Variants in KCNC2 observed in about 807,000 individuals in gnomAD.
KCNC2 encodes voltage-gated potassium channel KCNC2.
In KCNC2, 21 loss-of-function variants were observed where a neutral mutation model predicts 44.5. The observed-to-expected ratio is 0.47, with a 90% CI of 0.33 to 0.68. KCNC2 has a LOEUF of 0.68. KCNC2 is among the 30% of genes least tolerant of loss of function. The probability of loss-of-function intolerance (pLI) is 0.01; values close to 1 mark genes in which losing one functional copy is unlikely to be tolerated. For synonymous variants in KCNC2, 391 were observed against 339.1 expected (o/e 1.15, Z -1.68); for missense variants, 589 against 826.2 (o/e 0.71, Z 3.52).
chr12:75,079,761 C>A (rs936791802), intron 2 of KCNC2, among the ~76,000 whole-genome samples: 2 of 152,046 alleles, frequency 1.3e-5, no homozygotes, highest in African/African-American at 4.8e-5. Flanking sequence ...TAGGGTTTCT[C>A]AATATAAAAT....
At chr12:75,160,753 C>T (rs78686220) in intron 2 of KCNC2, among the ~76,000 whole-genome samples, 2,554 of 151,850 alleles carry the variant, frequency 0.017, 67 homozygotes, top group African/African-American at 0.058. Context: ...TAAATATACT[C>T]AAGGCTCAAT....
At position 75,098,450 on chromosome 12, in the gene KCNC2, G is replaced by A. The variant is rs566800696; in HGVS notation, c.688-47133C>T. On this transcript the variant is annotated intron_variant, in intron 2 of 4. Coordinates refer to ENST00000549446, the MANE Select transcript of KCNC2 (RefSeq NM_139137.4). ...TTTCTCCGTGGAATTCTTAAATTGCGTTGGTCTGGTAAAAGGAATTATTTC... is the reference window on the plus strand; with the variant it reads ...TTTCTCCGTGGAATTCTTAAATTGCATTGGTCTGGTAAAAGGAATTATTTC... Among the ~76,000 whole-genome samples, 38 of 152,168 alleles carry A rather than the reference G, an allele frequency of 2.5e-4. No homozygotes were observed. In the South Asian group the frequency reaches 2.7e-3, roughly 11 times the overall value.
intron 2 of KCNC2, among the ~76,000 whole-genome samples, chr12:75,087,793 C>T (rs1343524030): frequency 6.6e-6 from 1 of 152,052 alleles, no homozygotes; most frequent in Non-Finnish European, 1.5e-5. Flanking sequence ...AAAGCTGCCT[C>T]CTCACCCCAG....
intron 2 of KCNC2, among the ~76,000 whole-genome samples, chr12:75,091,484 A>T (rs1440095837): frequency 6.6e-6 from 1 of 151,706 alleles, no homozygotes; most frequent in Non-Finnish European, 1.5e-5. Flanking sequence ...TTGAGAAGCA[A>T]TAAAATAATG....
At chr12:75,119,206 G>A (rs546203851) in intron 2 of KCNC2, among the ~76,000 whole-genome samples, 104 of 152,292 alleles carry the variant, frequency 6.8e-4, no homozygotes, top group African/African-American at 2.4e-3. Flanking sequence ...TGGGGTAACT[G>A]ACAGACTGGG....
intron 2 of KCNC2, among the ~76,000 whole-genome samples, chr12:75,125,763 C>T (rs1888375335): frequency 6.6e-6 from 1 of 152,058 alleles, no homozygotes; most frequent in African/African-American, 2.4e-5. Flanking sequence ...CTTTTGGATT[C>T]CCTTTTCTTT....
intron 2 of KCNC2, among the ~76,000 whole-genome samples, chr12:75,126,870 T>C (rs1386384546): frequency 6.6e-6 from 1 of 152,156 alleles, no homozygotes; most frequent in Non-Finnish European, 1.5e-5. Flanking sequence ...CCTAGGGTTC[T>C]TAAATCACAT....
At chr12:75,093,000 G>T (rs917013001) in intron 2 of KCNC2, among the ~76,000 whole-genome samples, 1 of 147,038 alleles carries the variant, frequency 6.8e-6, no homozygotes, top group African/African-American at 2.5e-5. Context: ...GTGTGATTGT[G>T]ATTTGACCTT....
intron 2 of KCNC2, among the ~76,000 whole-genome samples, chr12:75,149,369 T>C (rs1437857436): frequency 6.6e-6 from 1 of 151,920 alleles, no homozygotes; most frequent in Admixed American, 6.6e-5. Flanking sequence ...CATTATTTTT[T>C]AGTCTTCTGA....
At chr12:75,202,419 C>A (rs962861992) in intron 2 of KCNC2, among the ~76,000 whole-genome samples, 1 of 151,800 alleles carries the variant, frequency 6.6e-6, no homozygotes, top group African/African-American at 2.4e-5. Context: ...TATTTATAAG[C>A]CTTTTGACCC....
At chr12:75,209,025 C>G (rs1468144921) in intron 1 of KCNC2, among the ~76,000 whole-genome samples, 182 bp downstream of exon 1, 2 of 152,022 alleles carry the variant, frequency 1.3e-5, no homozygotes, top group Non-Finnish European at 2.9e-5. Flanking sequence ...CCCCTGGGTC[C>G]CTGAGCTGAA....
At chr12:75,129,225 C>A (rs1054883792) in intron 2 of KCNC2, among the ~76,000 whole-genome samples, 9 of 152,164 alleles carry the variant, frequency 5.9e-5, no homozygotes, top group African/African-American at 1.7e-4. Context: ...ATGAACTAGT[C>A]CTCAAGTACA....
At chr12:75,043,707 C>T in intron 4 of KCNC2, 1 of 1,397,506 alleles carries the variant, frequency 7.2e-7, no homozygotes, top group East Asian at 2.7e-5. Flanking sequence ...ACTCTTTTTC[C>T]AGCATATTTA....
chr12:75,061,177 A>G (rs1882282006), intron 2 of KCNC2, among the ~76,000 whole-genome samples: 1 of 152,162 alleles, frequency 6.6e-6, no homozygotes, highest in Admixed American at 6.6e-5. Context: ...GCATAATGGC[A>G]AAGATTATGG....
At chr12:75,102,268 G>T (rs954229665) in intron 2 of KCNC2, among the ~76,000 whole-genome samples, 25 of 151,974 alleles carry the variant, frequency 1.6e-4, no homozygotes, top group Non-Finnish European at 2.2e-4. Context: ...GAGCCATTTT[G>T]CACACTACGT....
At chr12:75,206,300 T>C (rs547908196) in intron 2 of KCNC2, among the ~76,000 whole-genome samples, 42 of 152,232 alleles carry the variant, frequency 2.8e-4, no homozygotes, top group Non-Finnish European at 5.6e-4. Context: ...TTTGTTCTCA[T>C]ATATAATTAA....
intron 2 of KCNC2, among the ~76,000 whole-genome samples, chr12:75,053,990 A>AG (rs1265428933): frequency 4.6e-5 from 7 of 151,616 alleles, no homozygotes; most frequent in African/African-American, 1.7e-4. Context: ...TGGGAGGCTG[A>AG]GGTGGATGGG....
chr12:75,202,468 G>A (rs904534585), intron 2 of KCNC2, among the ~76,000 whole-genome samples: 7 of 151,788 alleles, frequency 4.6e-5, no homozygotes, highest in African/African-American at 1.7e-4. Context: ...TAGGTGGAAA[G>A]TGCAAACACA....
rs569357086 is a variant in KCNC2 at position 75,078,078 on chromosome 12, G to A, written c.688-26761C>T. Among the ~76,000 whole-genome samples the A allele has an allele frequency of 1.7e-4, 26 of 151,920 alleles. 1 individual carries two copies. Among genetic ancestry groups the A allele is most frequent in the Admixed American group, 1.2e-3 (19 of 15,260 alleles). On this transcript the variant is annotated intron_variant, in intron 2 of 4. Coordinates refer to ENST00000549446, the MANE Select transcript of KCNC2 (RefSeq NM_139137.4). ...TTATTACTCTTATACCTCCATTATC[G>A]TGTGAATATTTTTAATAAAATAAAA...
Sources: gnomAD v4.1 joint callset for allele counts (sites outside exome capture counted in the v4.1 genomes callset) on GRCh38, gnomAD v4.1.1 for gene constraint, MANE v1.5 for transcripts, NCBI Gene and HGNC (gene_info 2026-07-23, HGNC 2026-07-21) for gene names.